The following CPNE8 variants were observed in gnomAD, a reference collection of about 807,000 sequenced individuals.
CPNE8 encodes the protein copine-8.
A neutral mutation model predicts 81.5 loss-of-function variants in CPNE8; 45 were observed. The ratio of observed to expected loss-of-function variants is 0.55; its 90% CI spans 0.44 to 0.71. The LOEUF (loss-of-function observed/expected upper bound fraction) is 0.71, where lower values mean the gene tolerates loss of function less well. Ranked by LOEUF, CPNE8 falls within the 30% of genes least tolerant of loss-of-function variation. CPNE8 has a pLI of 0.00. For synonymous variants in CPNE8, 252 were observed against 226.3 expected (o/e 1.11, Z -1.02); for missense variants, 594 against 672.1 (o/e 0.88, Z 1.28).
intron 13 of CPNE8, among the ~76,000 whole-genome samples, chr12:38,712,516 C>T (rs886527992): frequency 6.6e-6 from 1 of 152,058 alleles, no homozygotes; most frequent in African/African-American, 2.4e-5. Context: ...CCCAGGCTGC[C>T]ACCAATTTTA....
At chr12:38,772,026 A>C (rs956214892) in intron 7 of CPNE8, among the ~76,000 whole-genome samples, 3 of 152,176 alleles carry the variant, frequency 2.0e-5, no homozygotes, top group African/African-American at 7.2e-5. Flanking sequence ...CCTCATAAAT[A>C]GGTAGGTGCT....
intron 14 of CPNE8, among the ~76,000 whole-genome samples, chr12:38,702,282 C>T (rs2136689839): frequency 6.6e-6 from 1 of 152,210 alleles, no homozygotes; most frequent in Admixed American, 6.5e-5. Flanking sequence ...TAAAAGCCCA[C>T]TATCTTTTTT....
At chr12:38,809,917 CA>C (rs1942898944) in intron 6 of CPNE8, among the ~76,000 whole-genome samples, 1 of 152,086 alleles carries the variant, frequency 6.6e-6, no homozygotes. Context: ...CCAGTTCAAA[CA>C]GGGAGGAAAT....
Position 38,829,390 on chromosome 12 carries a change from T to C in CPNE8, c.396A>G (p.Glu132=), listed in dbSNP as rs1271832309. The change falls in exon 6 of 20, where the codon GAA becomes GAG. Residue 132 remains glutamate (E), a synonymous_variant. Coordinates refer to ENST00000331366, the MANE Select transcript of CPNE8 (RefSeq NM_153634.3). ...TAAAAAATACTTACACTATTGGTTT[T>C]TCCAGGCGACTTCCCTGTGAACCAA... ...EIVGSQGSRL[E]KPIVGIPGKK... is the part of the protein sequence containing the mutation. 1.2e-6 allele frequency: 2 copies of C among 1,611,004 alleles called. No homozygotes were observed. Among genetic ancestry groups the C allele is most frequent in the Non-Finnish European group, 1.7e-6 (2 of 1,177,182 alleles).
At position 38,898,453 on chromosome 12, in the gene CPNE8, C is replaced by G. The variant is rs532849800; in HGVS notation, c.98+6984G>C. On this transcript the variant is annotated intron_variant, in intron 1 of 19. Transcript: ENST00000331366. ...AAAGGCACTACAGGGTGACTACAAT[C>G]TTGAACCACAGGATCTCAAGAGCTG... 2.0e-5 allele frequency among the ~76,000 whole-genome samples: 3 copies of G among 152,294 alleles called. No individual in the cohort carries two copies. The South Asian group carries it at 6.2e-4, about 32-fold the overall frequency.
chr12:38,893,281 A>G (rs1944339518), intron 1 of CPNE8, among the ~76,000 whole-genome samples: 1 of 152,214 alleles, frequency 6.6e-6, no homozygotes, highest in Admixed American at 6.5e-5. Flanking sequence ...ACAGAATAAG[A>G]TAGAAGTTCA....
At chr12:38,892,455 G>A (rs1356232736) in intron 1 of CPNE8, among the ~76,000 whole-genome samples, 2 of 152,220 alleles carry the variant, frequency 1.3e-5, no homozygotes, top group Non-Finnish European at 2.9e-5. Context: ...TTGAGCCAGA[G>A]TGGAGACAGC....
At chr12:38,668,194 C>T (rs1270363237) in intron 19 of CPNE8, among the ~76,000 whole-genome samples, 1 of 152,158 alleles carries the variant, frequency 6.6e-6, no homozygotes, top group Non-Finnish European at 1.5e-5. Context: ...CTGTTACTTC[C>T]TCTGAGACTC....
intron 5 of CPNE8, among the ~76,000 whole-genome samples, chr12:38,838,629 T>C (rs570905598): frequency 5.3e-5 from 8 of 152,296 alleles, no homozygotes; most frequent in African/African-American, 1.9e-4. Context: ...ACCTTAATCA[T>C]GAGCAGGAAG....
At chr12:38,775,130 T>C (rs531981700) in intron 7 of CPNE8, among the ~76,000 whole-genome samples, 85 of 152,220 alleles carry the variant, frequency 5.6e-4, no homozygotes, top group African/African-American at 1.6e-3. Flanking sequence ...AGATATAATA[T>C]ATACATATAT....
intron 1 of CPNE8, among the ~76,000 whole-genome samples, chr12:38,881,653 G>A (rs930787660): frequency 6.6e-6 from 1 of 152,198 alleles, no homozygotes; most frequent in African/African-American, 2.4e-5. Context: ...AGAATTAACT[G>A]TAAAATTTTT....
intron 13 of CPNE8, among the ~76,000 whole-genome samples, chr12:38,716,607 A>G (rs969059415): frequency 2.6e-5 from 4 of 151,930 alleles, no homozygotes; most frequent in African/African-American, 9.7e-5. Context: ...AATGGAACTG[A>G]ACCTCCATTT....
In CPNE8 at chr12:38,799,747, G is replaced by A. The variant is rs892382875; in HGVS notation, c.408-23446C>T. On this transcript the variant is annotated intron_variant, in intron 6 of 19. Transcript: ENST00000331366. Reference sequence around the variant, plus strand: ...TTTCTGCATTTCCATCTGAGGTACCGGGTTCATCTCACTAGGGAGTGCCAG... The same window carrying A: ...TTTCTGCATTTCCATCTGAGGTACCAGGTTCATCTCACTAGGGAGTGCCAG... Among the ~76,000 whole-genome samples the A allele has an allele frequency of 1.9e-4, 28 of 146,852 alleles. 1 individual carries two copies. The highest frequency in any genetic ancestry group is 2.2e-4 in the South Asian group (1 of 4,450).
intron 16 of CPNE8, among the ~76,000 whole-genome samples, chr12:38,682,629 C>A (rs1051087900): frequency 6.6e-6 from 1 of 152,108 alleles, no homozygotes; most frequent in African/African-American, 2.4e-5. Context: ...AGTACTGTGG[C>A]TTTTATTTTT....
intron 10 of CPNE8, among the ~76,000 whole-genome samples, chr12:38,746,593 G>A (rs1305611736): frequency 6.6e-6 from 1 of 152,122 alleles, no homozygotes; most frequent in Non-Finnish European, 1.5e-5. Flanking sequence ...TTCATTAGAA[G>A]ACTGTTTTTT....
chr12:38,733,898 T>C (rs1940894507), intron 10 of CPNE8, among the ~76,000 whole-genome samples: 1 of 151,950 alleles, frequency 6.6e-6, no homozygotes, highest in Non-Finnish European at 1.5e-5. Flanking sequence ...CTGAAACCTG[T>C]AGGACAGTTT....
chr12:38,791,631 A>G (rs1041732042), intron 6 of CPNE8, among the ~76,000 whole-genome samples: 1 of 151,652 alleles, frequency 6.6e-6, no homozygotes, highest in Non-Finnish European at 1.5e-5. Context: ...AATAAAACAG[A>G]AAGAAAATAA....
At chr12:38,790,831 T>C (rs1319837148) in intron 6 of CPNE8, among the ~76,000 whole-genome samples, 1 of 151,714 alleles carries the variant, frequency 6.6e-6, no homozygotes, top group Admixed American at 6.6e-5. Context: ...ACTGGATAAT[T>C]TGTTTTTTGT....
chr12:38,816,667 G>A (rs1233219467), intron 6 of CPNE8, among the ~76,000 whole-genome samples: 2 of 152,122 alleles, frequency 1.3e-5, no homozygotes, highest in Non-Finnish European at 2.9e-5. Flanking sequence ...GCCAGAAATT[G>A]TATATTTATT....
Sources: allele counts gnomAD v4.1 joint callset (sites outside exome capture counted in the v4.1 genomes callset), GRCh38; gene constraint gnomAD v4.1.1; transcripts MANE v1.5; gene names NCBI Gene and HGNC (gene_info 2026-07-23, HGNC 2026-07-21).